The following ABI3BP variants were observed in gnomAD, a reference collection of about 807,000 sequenced individuals.
ABI3BP encodes target of Nesh-SH3.
A neutral mutation model predicts 268.6 loss-of-function variants in ABI3BP; 216 were observed. The ratio of observed to expected loss-of-function variants is 0.80; its 90% CI spans 0.72 to 0.90. The LOEUF (loss-of-function observed/expected upper bound fraction) is 0.90. Among genes scored for constraint, ABI3BP ranks in the 40% least tolerant of loss-of-function variants. The pLI is 0.00. For synonymous variants in ABI3BP, 730 were observed against 730.0 expected, an observed-to-expected ratio of 1.00 and a Z score of 0.00; for missense variants, 2,090 against 2,182.4, an observed-to-expected ratio of 0.96 and a Z score of 0.84.
intron 1 of ABI3BP, among the ~76,000 whole-genome samples, chr3:100,949,705 T>G (rs1216407369): frequency 6.6e-6 from 1 of 152,194 alleles, no homozygotes; most frequent in Non-Finnish European, 1.5e-5. Context: ...ATAAGCTCAT[T>G]GTATTGTTTG....
At chr3:100,937,989 T>G (rs1050745232) in intron 1 of ABI3BP, among the ~76,000 whole-genome samples, 2 of 152,094 alleles carry the variant, frequency 1.3e-5, no homozygotes, top group Non-Finnish European at 2.9e-5. Flanking sequence ...GAGTAAGTCC[T>G]TTGTGGGAAC....
chr3:100,938,396 T>C (rs1385293644), intron 1 of ABI3BP, among the ~76,000 whole-genome samples: 2 of 152,060 alleles, frequency 1.3e-5, no homozygotes, highest in Non-Finnish European at 2.9e-5. Flanking sequence ...GCATGGGCTT[T>C]CTGTTCAAAT....
At chr3:100,907,650 C>A (rs189725699) in intron 2 of ABI3BP, among the ~76,000 whole-genome samples, 5 of 152,270 alleles carry the variant, frequency 3.3e-5, no homozygotes, top group South Asian at 2.1e-4. Context: ...GCAAGCATCA[C>A]AAGTTCCAAA....
At chr3:100,873,413 T>C (rs889687741) in intron 9 of ABI3BP, among the ~76,000 whole-genome samples, 1 of 151,914 alleles carries the variant, frequency 6.6e-6, no homozygotes, top group East Asian at 1.9e-4. Flanking sequence ...TTTCCCCCAG[T>C]AAGTCTCCAG....
At chr3:100,893,210 T>G (rs1041063342) in intron 4 of ABI3BP, among the ~76,000 whole-genome samples, 5 of 152,098 alleles carry the variant, frequency 3.3e-5, no homozygotes, top group African/African-American at 1.2e-4. Context: ...TTAATGACAG[T>G]GGTTTGCCAG....
At chr3:100,904,467 C>T (rs1175261405) in intron 2 of ABI3BP, among the ~76,000 whole-genome samples, 1 of 152,154 alleles carries the variant, frequency 6.6e-6, no homozygotes, top group Non-Finnish European at 1.5e-5. Flanking sequence ...AATGCATTAT[C>T]ATATAATTCC....
intron 59 of ABI3BP, among the ~76,000 whole-genome samples, chr3:100,777,347 C>G (rs2096734035): frequency 6.6e-6 from 1 of 152,116 alleles, no homozygotes; most frequent in African/African-American, 2.4e-5. Flanking sequence ...GGTGAAGAAC[C>G]CTCAGTATGA....
intron 24 of ABI3BP, among the ~76,000 whole-genome samples, chr3:100,838,893 G>A (rs1453002483): frequency 6.6e-6 from 1 of 152,134 alleles, no homozygotes; most frequent in South Asian, 2.1e-4. Flanking sequence ...CATGGCTGCC[G>A]ATGTCTGGGA....
rs759305857 is a variant in ABI3BP at position 100,898,914 on chromosome 3, G to C, written c.329-20C>G. 2.5e-6 allele frequency: 4 copies of C among 1,587,302 alleles called. No individual in the cohort carries two copies. Among genetic ancestry groups the C allele is most frequent in the Non-Finnish European group, 3.4e-6 (4 of 1,167,798 alleles). The stretch of plus-strand genomic sequence containing the variant: ...TTTTACCTGTGGAGGTGGCATAGAG[G>C]TTAATAATTCAGGAGACATTTAGTA... On this transcript the variant is annotated intron_variant, in intron 3 of 67. Transcript: ENST00000471714.
chr3:100,960,906 C>T (rs143958445), intron 1 of ABI3BP, among the ~76,000 whole-genome samples: 1 of 152,312 alleles, frequency 6.6e-6, no homozygotes, highest in African/African-American at 2.4e-5. Context: ...CAGATAAGAG[C>T]CCATGCCAGC....
At chr3:100,876,491 T>C (rs750510843) in intron 7 of ABI3BP, 21 bp downstream of exon 7, 3 of 1,606,060 alleles carry the variant, frequency 1.9e-6, no homozygotes, top group East Asian at 4.5e-5. Flanking sequence ...TCTAAACACA[T>C]TTCCAGAGCA....
chr3:100,864,318 C>T, intron 11 of ABI3BP: 1 of 496,110 alleles, frequency 2.0e-6, no homozygotes, highest in East Asian at 3.1e-5. Flanking sequence ...ACACATGCTG[C>T]TCCTTTTCTT....
chr3:100,855,611 G>C (rs571878905), intron 14 of ABI3BP, among the ~76,000 whole-genome samples: 1 of 152,196 alleles, frequency 6.6e-6, no homozygotes, highest in Non-Finnish European at 1.5e-5. Flanking sequence ...CTCTTAGTAA[G>C]GATAACTTTC....
intron 14 of ABI3BP, among the ~76,000 whole-genome samples, chr3:100,858,758 T>C (rs2098965460): frequency 6.6e-6 from 1 of 152,140 alleles, no homozygotes; most frequent in Non-Finnish European, 1.5e-5. Flanking sequence ...AGGATGCCAA[T>C]ATCAGACAAG....
At position 100,795,801 on chromosome 3, in the gene ABI3BP, T is replaced by C. The variant is rs987347305; in HGVS notation, c.3865+3A>G. On this transcript the variant is annotated splice_donor_region_variant and intron_variant, in intron 53 of 67. Coordinates refer to ENST00000471714, the MANE Select transcript of ABI3BP (RefSeq NM_001375547.2). ...GAGTTGGTCAATATGGGAAAACCATTACCTATTGTTGTCTTTGGTGGCTCA... is the reference window on the plus strand; with the variant it reads ...GAGTTGGTCAATATGGGAAAACCATCACCTATTGTTGTCTTTGGTGGCTCA... 7 of 1,286,942 alleles carry C rather than the reference T, an allele frequency of 5.4e-6. No homozygotes were observed. In the Admixed American group the frequency reaches 1.4e-4, roughly 26 times the overall value. 79.7% of individuals were successfully genotyped at this position (1,286,942 alleles called of 1,614,324 possible).
intron 13 of ABI3BP, 31 bp from the exon 14 acceptor site, chr3:100,862,416 GAT>G (rs1491516828): frequency 6.9e-7 from 1 of 1,443,574 alleles, no homozygotes; most frequent in African/African-American, 1.7e-5. Flanking sequence ...ATTTGCTGAA[GAT>G]TTTTTTTTTT....
At chr3:100,873,186 C>T (rs1166739425) in intron 9 of ABI3BP, among the ~76,000 whole-genome samples, 2 of 152,122 alleles carry the variant, frequency 1.3e-5, no homozygotes, top group Non-Finnish European at 2.9e-5. Flanking sequence ...CTTAAACTTT[C>T]AGGTAACACT....
intron 55 of ABI3BP, among the ~76,000 whole-genome samples, chr3:100,790,788 A>C (rs990367779): frequency 6.6e-6 from 1 of 151,878 alleles, no homozygotes; most frequent in African/African-American, 2.4e-5. Flanking sequence ...AATCCCTTTG[A>C]ATGTTAGGTT....
intron 67 of ABI3BP, among the ~76,000 whole-genome samples, chr3:100,751,254 A>G (rs1233393834): frequency 1.3e-5 from 2 of 152,186 alleles, no homozygotes; most frequent in Non-Finnish European, 2.9e-5. Context: ...TACACTCAGT[A>G]TGACAAAACC....
Sources: gnomAD v4.1 joint callset for allele counts (sites outside exome capture counted in the v4.1 genomes callset) on GRCh38, gnomAD v4.1.1 for gene constraint, MANE v1.5 for transcripts, NCBI Gene and HGNC (gene_info 2026-07-23, HGNC 2026-07-21) for gene names.